LRFN5: variants seen among roughly 807,000 people sequenced by gnomAD.
The protein encoded by LRFN5 is leucine rich repeat and fibronectin type III domain containing 5.
LRFN5 carries 24 observed loss-of-function variants against 45.6 expected under a neutral mutation model. The ratio of observed to expected loss-of-function variants is 0.53; its 90% CI spans 0.38 to 0.74. The LOEUF (loss-of-function observed/expected upper bound fraction) is 0.74, where lower values mean the gene tolerates loss of function less well. Among genes scored for constraint, LRFN5 ranks in the 30% least tolerant of loss-of-function variants. LRFN5 has a pLI of 0.00. For synonymous variants in LRFN5, 340 were observed against 313.8 expected, an observed-to-expected ratio of 1.08 and a Z score of -0.88; for missense variants, 776 against 861.5, an observed-to-expected ratio of 0.90 and a Z score of 1.24.
intron 1 of LRFN5, among the ~76,000 whole-genome samples, chr14:41,655,550 A>T (rs919803363): frequency 1.3e-5 from 2 of 151,992 alleles, no homozygotes; most frequent in African/African-American, 4.8e-5. Context: ...TCTGTGTAGG[A>T]TGGGAAACCA....
At chr14:41,613,727 G>GA (rs372422625) in intron 1 of LRFN5, among the ~76,000 whole-genome samples, 15 of 150,512 alleles carry the variant, frequency 1.0e-4, no homozygotes, top group African/African-American at 1.7e-4. Context: ...TGAATTCTTA[G>GA]AAAAAAAACA....
chr14:41,828,100 G>T (rs1888357955), intron 2 of LRFN5, among the ~76,000 whole-genome samples: 1 of 151,924 alleles, frequency 6.6e-6, no homozygotes, highest in African/African-American at 2.4e-5. Context: ...AAGGGAAATA[G>T]GTCAGCTTTT....
At chr14:41,636,913 G>A (rs1879333700) in intron 1 of LRFN5, among the ~76,000 whole-genome samples, 1 of 152,190 alleles carries the variant, frequency 6.6e-6, no homozygotes, top group African/African-American at 2.4e-5. Context: ...GAGGCAGACT[G>A]CCTTGGGTTA....
intron 2 of LRFN5, among the ~76,000 whole-genome samples, chr14:41,848,753 T>G (rs1255409565): frequency 6.6e-6 from 1 of 152,082 alleles, no homozygotes; most frequent in Non-Finnish European, 1.5e-5. Flanking sequence ...ATATCTTTTC[T>G]GCTTTATTCA....
At chr14:41,874,967 G>A (rs1428969908) in intron 2 of LRFN5, among the ~76,000 whole-genome samples, 1 of 152,072 alleles carries the variant, frequency 6.6e-6, no homozygotes, top group Non-Finnish European at 1.5e-5. Context: ...ATAGCATGAG[G>A]GTAACCACCC....
intron 2 of LRFN5, among the ~76,000 whole-genome samples, chr14:41,784,245 C>A (rs1449567569): frequency 2.0e-5 from 3 of 151,992 alleles, no homozygotes; most frequent in Admixed American, 1.3e-4. Context: ...TATTATATTA[C>A]TCTATTTTGT....
At chr14:41,727,786 G>C (rs967497233) in intron 1 of LRFN5, among the ~76,000 whole-genome samples, 4 of 152,070 alleles carry the variant, frequency 2.6e-5, no homozygotes, top group African/African-American at 9.7e-5. Flanking sequence ...TCTTAGTTCT[G>C]GCAGTACCTT....
chr14:41,849,617 A>G (rs1456122923), intron 2 of LRFN5, among the ~76,000 whole-genome samples: 2 of 151,890 alleles, frequency 1.3e-5, no homozygotes, highest in East Asian at 3.9e-4. Context: ...TTTAAGAACT[A>G]CCTCAAACAT....
intron 1 of LRFN5, among the ~76,000 whole-genome samples, chr14:41,623,546 A>T (rs566728734): frequency 6.2e-4 from 95 of 152,138 alleles, no homozygotes; most frequent in Non-Finnish European, 7.5e-4. Flanking sequence ...TTTGTAGGGG[A>T]ATCAAACGTG....
intron 4 of LRFN5, chr14:41,895,026 A>T (rs1890894130): frequency 4.1e-6 from 4 of 983,712 alleles, no homozygotes. Context: ...GTCATTTTGC[A>T]TTATAGTTTC....
chr14:41,671,999 C>A (rs974095873), intron 1 of LRFN5, among the ~76,000 whole-genome samples: 1 of 152,186 alleles, frequency 6.6e-6, no homozygotes, highest in Non-Finnish European at 1.5e-5. Flanking sequence ...TCTAACCATG[C>A]TTATTTACCT....
chr14:41,838,887 C>G (rs990247969), intron 2 of LRFN5, among the ~76,000 whole-genome samples: 9 of 152,158 alleles, frequency 5.9e-5, no homozygotes, highest in African/African-American at 1.4e-4. Context: ...TGACCAAAAT[C>G]ATTATTTATT....
chr14:41,726,858 A>G (rs1883957489), intron 1 of LRFN5, among the ~76,000 whole-genome samples: 1 of 152,254 alleles, frequency 6.6e-6, no homozygotes, highest in South Asian at 2.1e-4. Flanking sequence ...TCGCCAGAGC[A>G]ATATAGGACT....
intron 1 of LRFN5, among the ~76,000 whole-genome samples, chr14:41,636,919 G>T (rs900191363): frequency 6.6e-6 from 1 of 152,154 alleles, no homozygotes; most frequent in Non-Finnish European, 1.5e-5. Context: ...GACTGCCTTG[G>T]GTTATATACC....
At chr14:41,886,560 T>C in intron 2 of LRFN5, 46 bp from the exon 3 acceptor site, 1 of 1,255,460 alleles carries the variant, frequency 8.0e-7, no homozygotes. Context: ...TGAATATGAA[T>C]TAAATCACTG....
At chr14:41,764,791 GAA>G (rs1885809733) in intron 1 of LRFN5, among the ~76,000 whole-genome samples, 1 of 42,712 alleles carries the variant, frequency 2.3e-5, no homozygotes, top group Non-Finnish European at 4.3e-5. Flanking sequence ...CATGTGTGCA[GAA>G]TACATATATA....
chr14:41,627,911 GA>G (rs1888388069), intron 1 of LRFN5, among the ~76,000 whole-genome samples: 1 of 152,030 alleles, frequency 6.6e-6, no homozygotes, highest in Admixed American at 6.6e-5. Flanking sequence ...GAGAAACAAT[GA>G]AATGTACTTA....
At chr14:41,610,234 CTT>C (rs1006010248) in intron 1 of LRFN5, 6 of 152,326 alleles carry the variant, frequency 3.9e-5, no homozygotes, top group Admixed American at 1.3e-4. Context: ...GGTGTCCTGT[CTT>C]TGCCTGCAAA....
chr14:41,775,028 A>G (rs1263370072), intron 2 of LRFN5, among the ~76,000 whole-genome samples: 1 of 152,054 alleles, frequency 6.6e-6, no homozygotes, highest in African/African-American at 2.4e-5. Context: ...TAGTAATACA[A>G]TAAAAGTCCA....
Sources: gnomAD v4.1 joint callset for allele counts (sites outside exome capture counted in the v4.1 genomes callset) on GRCh38, gnomAD v4.1.1 for gene constraint, MANE v1.5 for transcripts, NCBI Gene and HGNC (gene_info 2026-07-23, HGNC 2026-07-21) for gene names.